The following CRPPA variants were observed in gnomAD, a reference collection of about 807,000 sequenced individuals.
CRPPA encodes the protein CDP-L-ribitol pyrophosphorylase A.
CRPPA carries 43 observed loss-of-function variants against 52.0 expected under a neutral mutation model. The ratio of observed to expected loss-of-function variants is 0.83; its 90% CI spans 0.65 to 1.07. CRPPA has a LOEUF of 1.07. Ranked by LOEUF, CRPPA falls within the 50% of genes least tolerant of loss-of-function variation. The pLI is 0.00. For missense variants in CRPPA, 629 were observed against 551.7 expected, an observed-to-expected ratio of 1.14 and a Z score of -1.40; for synonymous variants, 250 against 203.5, an observed-to-expected ratio of 1.23 and a Z score of -1.94.
At chr7:16,231,032 C>G (rs138641482) in intron 8 of CRPPA, among the ~76,000 whole-genome samples, 2 of 152,174 alleles carry the variant, frequency 1.3e-5, no homozygotes, top group Non-Finnish European at 1.5e-5. Flanking sequence ...TCTGCAGTTA[C>G]TGGCTTGAAA....
chr7:16,392,240 A>G (rs897681534), intron 2 of CRPPA, among the ~76,000 whole-genome samples: 7 of 152,136 alleles, frequency 4.6e-5, no homozygotes, highest in Admixed American at 3.3e-4. Context: ...AGTTCTCTCA[A>G]TAGCCATCAT....
At chr7:16,364,905 T>C (rs1477335130) in intron 3 of CRPPA, among the ~76,000 whole-genome samples, 1 of 152,196 alleles carries the variant, frequency 6.6e-6, no homozygotes, top group Non-Finnish European at 1.5e-5. Flanking sequence ...CAATTTATAA[T>C]ATTAAAGAAT....
rs182649671 is a variant in CRPPA at position 16,368,862 on chromosome 7, G to C, written c.684+7230C>G. 2.9e-3 allele frequency among the ~76,000 whole-genome samples: 449 copies of C among 152,226 alleles called. 2 individuals carry two copies. In the South Asian group the frequency reaches 0.035, roughly 12 times the overall value. On this transcript the variant is annotated intron_variant, in intron 3 of 9. Coordinates refer to ENST00000407010, the MANE Select transcript of CRPPA (RefSeq NM_001101426.4). The stretch of plus-strand genomic sequence containing the variant: ...TAATTTTTCAGATGAATTTCTTAGA[G>C]ATTTAAGGGGATTTCATTAATGTGT...
At chr7:16,158,251 C>G (rs1783229057) in intron 9 of CRPPA, among the ~76,000 whole-genome samples, 1 of 152,078 alleles carries the variant, frequency 6.6e-6, no homozygotes, top group Non-Finnish European at 1.5e-5. Context: ...GAGGCCTTCT[C>G]TAAAACATTT....
intron 3 of CRPPA, among the ~76,000 whole-genome samples, chr7:16,328,676 G>A (rs556496381): frequency 9.2e-5 from 14 of 152,112 alleles, no homozygotes; most frequent in Middle Eastern, 3.4e-3. Context: ...CACCACGCCC[G>A]GTTAATTTTT....
intron 3 of CRPPA, among the ~76,000 whole-genome samples, chr7:16,317,924 T>C (rs754535279): frequency 4.6e-5 from 7 of 152,186 alleles, no homozygotes; most frequent in Non-Finnish European, 7.3e-5. Flanking sequence ...CTCTAGTCTT[T>C]TTGATAATAA....
At chr7:16,164,745 T>C (rs1195837160) in intron 9 of CRPPA, among the ~76,000 whole-genome samples, 1 of 152,222 alleles carries the variant, frequency 6.6e-6, no homozygotes, top group African/African-American at 2.4e-5. Context: ...GTTTGTTAGT[T>C]TTCCTTCTAA....
chr7:16,306,023 C>T lies in CRPPA; in HGVS notation c.789+2500G>A, dbSNP rs115293422. ...TAGCTTCTGGTGATGGCTGGCAACC[C>T]CTGCCATTCCTTGGCTTGCAGATGT... On this transcript the variant is annotated intron_variant, in intron 4 of 9. Coordinates refer to ENST00000407010, the MANE Select transcript of CRPPA (RefSeq NM_001101426.4). Among the ~76,000 whole-genome samples, 1,344 of 152,286 alleles carry T rather than the reference C, an allele frequency of 8.8e-3. 16 individuals carry two copies. The highest frequency in any genetic ancestry group is 0.031 in the African/African-American group (1,291 of 41,556).
At chr7:16,227,391 G>C (rs1041057322) in intron 8 of CRPPA, among the ~76,000 whole-genome samples, 3 of 151,622 alleles carry the variant, frequency 2.0e-5, no homozygotes, top group Non-Finnish European at 3.0e-5. Flanking sequence ...CCATATTCTT[G>C]TCAACACTTA....
intron 3 of CRPPA, among the ~76,000 whole-genome samples, chr7:16,319,281 G>T (rs1351349836): frequency 2.0e-5 from 3 of 152,122 alleles, no homozygotes; most frequent in African/African-American, 4.8e-5. Flanking sequence ...CAGACACAAG[G>T]TATTGCACCA....
At chr7:16,226,715 G>C (rs1402216431) in intron 8 of CRPPA, among the ~76,000 whole-genome samples, 2 of 151,820 alleles carry the variant, frequency 1.3e-5, no homozygotes, top group Non-Finnish European at 2.9e-5. Flanking sequence ...AGATTGATAA[G>C]TTTACACAAC....
intron 9 of CRPPA, among the ~76,000 whole-genome samples, chr7:16,208,266 G>A (rs909928698): frequency 1.3e-5 from 2 of 151,964 alleles, no homozygotes; most frequent in Non-Finnish European, 2.9e-5. Flanking sequence ...AAGGGATAAG[G>A]GATAATTTTT....
At chr7:16,180,332 T>C (rs561342630) in intron 9 of CRPPA, among the ~76,000 whole-genome samples, 1 of 152,234 alleles carries the variant, frequency 6.6e-6, no homozygotes, top group South Asian at 2.1e-4. Flanking sequence ...TAAAAATATA[T>C]ACTACACTAT....
intron 2 of CRPPA, among the ~76,000 whole-genome samples, chr7:16,398,276 T>G (rs1248097687): frequency 6.6e-6 from 1 of 151,068 alleles, no homozygotes; most frequent in East Asian, 2.0e-4. Context: ...CAGTGCATGA[T>G]TGACAAGACA....
At chr7:16,317,007 G>A (rs1785158121) in intron 3 of CRPPA, among the ~76,000 whole-genome samples, 1 of 152,082 alleles carries the variant, frequency 6.6e-6, no homozygotes, top group Non-Finnish European at 1.5e-5. Flanking sequence ...AATCAGCTTA[G>A]TTTTTTCTAA....
intron 8 of CRPPA, among the ~76,000 whole-genome samples, chr7:16,245,049 A>G (rs1028043224): frequency 1.8e-5 from 2 of 113,522 alleles, no homozygotes; most frequent in African/African-American, 6.1e-5. Context: ...CTTACATTTA[A>G]AAAAAAAAAA....
chr7:16,247,696 A>G (rs1300640779), intron 8 of CRPPA, among the ~76,000 whole-genome samples: 2 of 152,230 alleles, frequency 1.3e-5, no homozygotes, highest in African/African-American at 2.4e-5. Flanking sequence ...AAAAACTTCA[A>G]TTTGTAAAAC....
intron 3 of CRPPA, among the ~76,000 whole-genome samples, chr7:16,339,476 C>T (rs540612760): frequency 8.5e-5 from 13 of 152,072 alleles, no homozygotes; most frequent in South Asian, 4.2e-4. Flanking sequence ...ATGGAGAAAA[C>T]GTATTTGATA....
At chr7:16,363,969 C>T (rs561573960) in intron 3 of CRPPA, among the ~76,000 whole-genome samples, 1 of 152,172 alleles carries the variant, frequency 6.6e-6, no homozygotes, top group South Asian at 2.1e-4. Flanking sequence ...AAAAACTAAT[C>T]TAAGAAATTA....
Sources: allele counts gnomAD v4.1 joint callset (sites outside exome capture counted in the v4.1 genomes callset), GRCh38; gene constraint gnomAD v4.1.1; transcripts MANE v1.5; gene names NCBI Gene and HGNC (gene_info 2026-07-23, HGNC 2026-07-21).